DIP2C: variants seen among roughly 807,000 people sequenced by gnomAD.
The protein encoded by DIP2C is DIP2 acetate--CoA ligase C (putative).
A neutral mutation model predicts 192.4 loss-of-function variants in DIP2C; 33 were observed. The observed-to-expected ratio is 0.17, with a 90% confidence interval of 0.13 to 0.23. The LOEUF is 0.23. Ranked by LOEUF, DIP2C falls within the 10% of genes least tolerant of loss-of-function variation. DIP2C has a pLI of 1.00. For synonymous variants in DIP2C, 979 were observed against 864.1 expected, an observed-to-expected ratio of 1.13 and a Z score of -2.33; for missense variants, 1,537 against 2,110.1, an observed-to-expected ratio of 0.73 and a Z score of 5.32.
rs1852369449 is a variant in DIP2C at position 605,084 on chromosome 10, A to T, written c.85+84410T>A. Reference sequence around the variant, plus strand: ...GAGTTTACAGAAAATGGTCAGCATCATGCGTGCCTGAGGTCCAGGGTCGGC... The same window carrying T: ...GAGTTTACAGAAAATGGTCAGCATCTTGCGTGCCTGAGGTCCAGGGTCGGC... On this transcript the variant is annotated intron_variant, in intron 1 of 36. Transcript: ENST00000280886. Among the ~76,000 whole-genome samples, 4 of 152,248 alleles carry T rather than the reference A, an allele frequency of 2.6e-5. No individual in the cohort carries two copies. The South Asian group carries it at 8.3e-4, about 31-fold the overall frequency.
rs901050242 is a variant in DIP2C, at chr10:504,326, G to A, written c.86-17796C>T. Reference sequence around the variant, plus strand: ...GCCATGGGGCTCCCACCCCCGAGACGGCAAATCCATGCAGGCGTGCCGAGG... The same window carrying A: ...GCCATGGGGCTCCCACCCCCGAGACAGCAAATCCATGCAGGCGTGCCGAGG... On this transcript the variant is annotated intron_variant, in intron 1 of 36. Coordinates refer to ENST00000280886, the MANE Select transcript of DIP2C (RefSeq NM_014974.3). Among the ~76,000 whole-genome samples, 6 of 152,276 alleles carry A rather than the reference G, an allele frequency of 3.9e-5. No homozygotes were observed. The South Asian group carries it at 6.2e-4, about 16-fold the overall frequency.
chr10:556,946 C>T (rs1848911960), intron 1 of DIP2C, among the ~76,000 whole-genome samples: 1 of 152,200 alleles, frequency 6.6e-6, no homozygotes, highest in Non-Finnish European at 1.5e-5. Context: ...CTCCAGCTCA[C>T]AGCCAGATTC....
chr10:303,880 A>G (rs1409545989), intron 32 of DIP2C, among the ~76,000 whole-genome samples: 2 of 152,016 alleles, frequency 1.3e-5, no homozygotes, highest in African/African-American at 2.4e-5. Flanking sequence ...ACAGACACAC[A>G]TTAATCTGGG....
At chr10:421,187 C>A (rs937775113) in intron 5 of DIP2C, among the ~76,000 whole-genome samples, 1 of 152,178 alleles carries the variant, frequency 6.6e-6, no homozygotes, top group Non-Finnish European at 1.5e-5. Context: ...AATGTGGTCA[C>A]CCGAGAGTTA....
At chr10:571,872 G>A (rs1166134841) in intron 1 of DIP2C, among the ~76,000 whole-genome samples, 2 of 152,206 alleles carry the variant, frequency 1.3e-5, no homozygotes, top group Non-Finnish European at 2.9e-5. Context: ...AGTAGGGAGA[G>A]CACCGTGCTC....
At chr10:583,636 T>C (rs1850801400) in intron 1 of DIP2C, among the ~76,000 whole-genome samples, 1 of 152,194 alleles carries the variant, frequency 6.6e-6, no homozygotes, top group Non-Finnish European at 1.5e-5. Context: ...GAGACTGTGC[T>C]GAAACCGATC....
chr10:464,011 CTT>C (rs1202531164), intron 3 of DIP2C, among the ~76,000 whole-genome samples: 1 of 152,206 alleles, frequency 6.6e-6, no homozygotes, highest in Non-Finnish European at 1.5e-5. Flanking sequence ...GGTTTAAAAA[CTT>C]AAACGTAAGA....
At chr10:450,813 ACCT>A (rs1258255181) in intron 3 of DIP2C, among the ~76,000 whole-genome samples, 1 of 152,078 alleles carries the variant, frequency 6.6e-6, no homozygotes, top group Non-Finnish European at 1.5e-5. Context: ...GAAACCACTC[ACCT>A]CCAACAAGGA....
At chr10:410,120 A>G (rs539984245) in intron 8 of DIP2C, among the ~76,000 whole-genome samples, 6 of 152,352 alleles carry the variant, frequency 3.9e-5, no homozygotes, top group South Asian at 4.1e-4. Context: ...AATTAATTTC[A>G]TATCAGAATG....
chr10:329,444 C>G lies in DIP2C; in HGVS notation c.3742G>C (p.Glu1248Gln). 1 of 1,613,516 alleles carries G rather than the reference C, an allele frequency of 6.2e-7. No individual in the cohort carries two copies. Among genetic ancestry groups the G allele is most frequent in the Non-Finnish European group, 8.5e-7 (1 of 1,179,706 alleles). Residue 1248 changes from glutamate (E) to glutamine (Q), a missense_variant, in exon 30 of 37, where the codon GAG becomes CAG. Around this residue, in one of 4 missense-constraint regions of DIP2C, gnomAD observed 341 missense variants for 551.7 expected, o/e 0.62. Coordinates refer to ENST00000280886, the MANE Select transcript of DIP2C (RefSeq NM_014974.3). ...LCTKGLGSQT[E>Q]SLKARGLDLS... ...AGGGAGCTGCTTACCTTGAGGGACT[C>G]TGTTTGCGAGCCCAGCCCCTTGGTG...
At chr10:293,248 G>A (rs1348063353) in intron 32 of DIP2C, among the ~76,000 whole-genome samples, 4 of 152,200 alleles carry the variant, frequency 2.6e-5, no homozygotes, top group East Asian at 1.9e-4. Context: ...AAAAACCAGC[G>A]TGACAGACCA....
intron 3 of DIP2C, among the ~76,000 whole-genome samples, chr10:457,841 C>CA (rs1297737052): frequency 2.6e-5 from 4 of 152,190 alleles, no homozygotes; most frequent in African/African-American, 9.7e-5. Context: ...AGGCGTGAGC[C>CA]ACTGCACCTG....
rs1481197070 is a variant in DIP2C at position 298,957 on chromosome 10, GA to G, written c.3987-10537del. On this transcript the variant is annotated intron_variant, in intron 32 of 36. Transcript: ENST00000280886. ...TTTTTGAGTAAGACTAGAAAGACTT[GA>G]AAAATAATTATAGATTTGATATGTT... 2.0e-5 allele frequency among the ~76,000 whole-genome samples: 3 copies of G among 152,144 alleles called. No individual in the cohort carries two copies. In the East Asian group the frequency reaches 5.8e-4, roughly 29 times the overall value.
intron 3 of DIP2C, among the ~76,000 whole-genome samples, chr10:468,507 T>C (rs543183915): frequency 2.0e-5 from 3 of 152,148 alleles, no homozygotes; most frequent in African/African-American, 7.2e-5. Flanking sequence ...ACACCTGTAA[T>C]CCCAGCACGT....
At chr10:487,094 A>AAGAATCC (rs1224749799) in intron 1 of DIP2C, among the ~76,000 whole-genome samples, 3 of 152,220 alleles carry the variant, frequency 2.0e-5, no homozygotes, top group Non-Finnish European at 4.4e-5. Context: ...GTGGTGAGGC[A>AAGAATCC]AGAATCCACA....
intron 2 of DIP2C, among the ~76,000 whole-genome samples, chr10:484,088 C>T (rs1021746834): frequency 6.6e-6 from 1 of 152,174 alleles, no homozygotes; most frequent in Non-Finnish European, 1.5e-5. Context: ...GGATCACAGG[C>T]GTGAGCCACC....
At chr10:562,628 GTTAAACA>G (rs1265927157) in intron 1 of DIP2C, among the ~76,000 whole-genome samples, 1 of 152,212 alleles carries the variant, frequency 6.6e-6, no homozygotes, top group African/African-American at 2.4e-5. Flanking sequence ...AACATTACGT[GTTAAACA>G]TTAAACATTC....
intron 26 of DIP2C, among the ~76,000 whole-genome samples, chr10:347,871 C>T (rs1423186746): frequency 4.1e-5 from 4 of 98,020 alleles, no homozygotes; most frequent in Admixed American, 1.0e-4. Context: ...TCGCGCATAG[C>T]TCTCCCGGAA....
At chr10:306,610 G>A (rs987700193) in intron 32 of DIP2C, among the ~76,000 whole-genome samples, 1 of 152,212 alleles carries the variant, frequency 6.6e-6, no homozygotes, top group African/African-American at 2.4e-5. Context: ...CATTTTTATA[G>A]GAAGAGTAAC....
Sources: allele counts gnomAD v4.1 joint callset (sites outside exome capture counted in the v4.1 genomes callset), GRCh38; gene constraint gnomAD v4.1.1; regional missense constraint gnomAD v4.1.1; transcripts MANE v1.5; gene names NCBI Gene and HGNC (gene_info 2026-07-23, HGNC 2026-07-21).